Variants in KCNMB2 observed in about 807,000 individuals in gnomAD.
KCNMB2 encodes the protein potassium calcium-activated channel subfamily M regulatory beta subunit 2.
In KCNMB2, 9 loss-of-function variants were observed where a neutral mutation model predicts 24.5. The observed-to-expected ratio is 0.37, with a 90% confidence interval of 0.22 to 0.64. The LOEUF is 0.64. KCNMB2 is among the 30% of genes least tolerant of loss of function. The pLI is 0.63. For missense variants in KCNMB2, 226 were observed against 284.3 expected (o/e 0.79, Z 1.47); for synonymous variants, 109 against 104.4 (o/e 1.04, Z -0.27).
chr3:178,721,370 T>A (rs1267683692), intron 1 of KCNMB2, among the ~76,000 whole-genome samples: 1 of 152,228 alleles, frequency 6.6e-6, no homozygotes, highest in Non-Finnish European at 1.5e-5. Flanking sequence ...GTTAGCATAA[T>A]GCATTTGAAA....
intron 1 of KCNMB2, among the ~76,000 whole-genome samples, chr3:178,748,083 C>A (rs1723729059): frequency 6.6e-6 from 1 of 151,964 alleles, no homozygotes; most frequent in East Asian, 1.9e-4. Context: ...CAATTTGGAA[C>A]TTTTTACTCT....
chr3:178,754,177 T>TATATATATATATATATATACAC (rs1435109631), intron 1 of KCNMB2, among the ~76,000 whole-genome samples: 104 of 117,146 alleles, frequency 8.9e-4, no homozygotes, highest in African/African-American at 3.8e-3. Flanking sequence ...TATATATATA[T>TATATATATATATATATATACAC]ACACACACAC....
chr3:178,585,367 T>A (rs1717390259), intron 1 of KCNMB2, among the ~76,000 whole-genome samples: 1 of 152,226 alleles, frequency 6.6e-6, no homozygotes, highest in African/African-American at 2.4e-5. Context: ...ATAGGCTTCA[T>A]TTAAGTCCAA....
intron 1 of KCNMB2, among the ~76,000 whole-genome samples, chr3:178,775,490 C>A (rs1478840056): frequency 6.6e-6 from 1 of 152,124 alleles, no homozygotes; most frequent in Admixed American, 6.6e-5. Context: ...TTTTAACTAT[C>A]TTTTTACTGA....
intron 1 of KCNMB2, among the ~76,000 whole-genome samples, chr3:178,558,016 G>T (rs1259008188): frequency 5.9e-5 from 9 of 152,124 alleles, no homozygotes. Flanking sequence ...GTTCTTTTGG[G>T]AGGATTAATA....
At chr3:178,597,053 T>A (rs1717903914) in intron 1 of KCNMB2, among the ~76,000 whole-genome samples, 1 of 152,140 alleles carries the variant, frequency 6.6e-6, no homozygotes, top group Admixed American at 6.5e-5. Context: ...TCCACGCAGA[T>A]GCCATGCATG....
chr3:178,569,157 G>A (rs1040726921), intron 1 of KCNMB2, among the ~76,000 whole-genome samples: 1 of 152,016 alleles, frequency 6.6e-6, no homozygotes, highest in African/African-American at 2.4e-5. Flanking sequence ...CATGTATTAG[G>A]AATAAATAGC....
chr3:178,756,330 T>C (rs1485115119), intron 1 of KCNMB2, among the ~76,000 whole-genome samples: 1 of 151,980 alleles, frequency 6.6e-6, no homozygotes, highest in African/African-American at 2.4e-5. Flanking sequence ...GCATTATTTA[T>C]GTTATGTAAA....
intron 1 of KCNMB2, among the ~76,000 whole-genome samples, chr3:178,608,713 G>T (rs972936587): frequency 2.0e-5 from 3 of 151,874 alleles, no homozygotes; most frequent in African/African-American, 7.3e-5. Flanking sequence ...CTACTCTCTG[G>T]GTCCATGAGT....
intron 1 of KCNMB2, among the ~76,000 whole-genome samples, chr3:178,572,749 C>T (rs535238291): frequency 3.3e-5 from 5 of 152,272 alleles, no homozygotes; most frequent in Admixed American, 2.0e-4. Flanking sequence ...GTCCTCAGAA[C>T]ACCACTTACA....
chr3:178,750,941 A>T, intron 1 of KCNMB2, among the ~76,000 whole-genome samples: 1 of 152,198 alleles, frequency 6.6e-6, no homozygotes, highest in East Asian at 1.9e-4. Flanking sequence ...TTCTCAATGG[A>T]TCGACTTGTT....
intron 1 of KCNMB2, among the ~76,000 whole-genome samples, chr3:178,782,887 A>C (rs61798080): frequency 0.11 from 16,552 of 151,200 alleles, 949 homozygotes; most frequent in Non-Finnish European, 0.13. Flanking sequence ...CCTGAATGGT[A>C]ATGCCTAGGT....
intron 1 of KCNMB2, among the ~76,000 whole-genome samples, chr3:178,759,736 ATATCCAAGAGGATATATCTATATATATAT>A (rs1711652906): frequency 2.0e-5 from 1 of 50,936 alleles, no homozygotes; most frequent in East Asian, 6.3e-4. Context: ...ACACATATAT[ATATCCAAGAGGATATATCTATATATATAT>A]ATCCAAGAGG....
At chr3:178,541,009 T>C (rs1292288204) in intron 1 of KCNMB2, among the ~76,000 whole-genome samples, 1 of 152,208 alleles carries the variant, frequency 6.6e-6, no homozygotes, top group Non-Finnish European at 1.5e-5. Flanking sequence ...TAATTAAATG[T>C]TTTCCTTCAT....
intron 1 of KCNMB2, among the ~76,000 whole-genome samples, chr3:178,739,930 T>C (rs1723440498): frequency 6.6e-6 from 1 of 152,194 alleles, no homozygotes; most frequent in Admixed American, 6.5e-5. Context: ...CTGTGTAGCA[T>C]GATCCTGCTG....
intron 1 of KCNMB2, among the ~76,000 whole-genome samples, chr3:178,792,508 G>A (rs896402329): frequency 1.3e-5 from 2 of 152,180 alleles, no homozygotes; most frequent in Admixed American, 1.3e-4. Flanking sequence ...AAGGAAGAAA[G>A]AGAAGACTGC....
chr3:178,554,301 T>C (rs1560107000), intron 1 of KCNMB2, among the ~76,000 whole-genome samples: 2 of 152,178 alleles, frequency 1.3e-5, no homozygotes, highest in African/African-American at 2.4e-5. Context: ...GAGGATATGG[T>C]TGTAGATAAA....
intron 1 of KCNMB2, among the ~76,000 whole-genome samples, chr3:178,759,236 T>C (rs1318804941): frequency 4.2e-5 from 5 of 119,232 alleles, no homozygotes; most frequent in East Asian, 2.4e-4. Context: ...CAAGAGGAGA[T>C]AGATATATAT....
intron 1 of KCNMB2, among the ~76,000 whole-genome samples, chr3:178,803,850 G>A (rs756142950): frequency 6.6e-6 from 1 of 152,180 alleles, no homozygotes; most frequent in Non-Finnish European, 1.5e-5. Context: ...CTAGCAAGGT[G>A]TGTGCTTGAG....
Sources: gnomAD v4.1 joint callset for allele counts (sites outside exome capture counted in the v4.1 genomes callset) on GRCh38, gnomAD v4.1.1 for gene constraint, MANE v1.5 for transcripts, NCBI Gene and HGNC (gene_info 2026-07-23, HGNC 2026-07-21) for gene names.